Variants in RNF166 observed in about 807,000 individuals in gnomAD.
The protein encoded by RNF166 is E3 ubiquitin-protein ligase RNF166.
In RNF166, 19 loss-of-function variants were observed where a neutral mutation model predicts 29.4. The ratio of observed to expected loss-of-function variants is 0.65; its 90% CI spans 0.45 to 0.95. The LOEUF is 0.95. Ranked by LOEUF, RNF166 falls within the 40% of genes least tolerant of loss-of-function variation. The probability of loss-of-function intolerance (pLI) is 0.00; values close to 1 mark genes in which losing one functional copy is unlikely to be tolerated. For synonymous variants in RNF166, 171 were observed against 134.5 expected, an observed-to-expected ratio of 1.27 and a Z score of -1.88; for missense variants, 347 against 322.1, an observed-to-expected ratio of 1.08 and a Z score of -0.59.
rs554699782 is a variant in RNF166 at position 88,702,734 on chromosome 16, C to T, written c.156-1316G>A. The stretch of plus-strand genomic sequence containing the variant: ...GAGACCCGTCAGAAAGTGAACAAGC[C>T]TTTTTCTGCAGAGTAAAGAGGTCGC... On this transcript the variant is annotated intron_variant, in intron 1 of 5. Coordinates refer to ENST00000312838, the MANE Select transcript of RNF166 (RefSeq NM_178841.4). The T allele has an allele frequency of 5.1e-5, 50 of 985,422 alleles. No homozygotes were observed. In the African/African-American group the frequency reaches 6.3e-4, roughly 12 times the overall value. The allele number at this position is 985,422 out of a possible 1,614,324, so 61.0% of individuals were successfully genotyped here.
At chr16:88,701,164 AAG>A in intron 2 of RNF166, 96 bp downstream of exon 2, 1 of 1,483,024 alleles carries the variant, frequency 6.7e-7, no homozygotes, top group Non-Finnish European at 9.3e-7. Flanking sequence ...CTCAACAGGA[AAG>A]AGAGAGGGCC....
intron 2 of RNF166, chr16:88,700,739 G>A (rs1012498377): frequency 2.0e-6 from 2 of 994,152 alleles, no homozygotes; most frequent in Admixed American, 5.5e-5. Flanking sequence ...AGGACAGGAT[G>A]GACATGGGGG....
intron 4 of RNF166, 125 bp downstream of exon 4, chr16:88,698,846 T>C (rs1183074133): frequency 3.8e-6 from 3 of 782,448 alleles, no homozygotes; most frequent in Non-Finnish European, 6.3e-6. Context: ...GTTCCCACCC[T>C]GGGTCCCAGG....
At chr16:88,698,361 G>A in intron 5 of RNF166, 141 bp downstream of exon 5, 2 of 755,266 alleles carry the variant, frequency 2.6e-6, no homozygotes, top group South Asian at 1.5e-5. Flanking sequence ...ACAGAACCTG[G>A]GGGAATGTGG....
Position 88,701,384 on chromosome 16 carries a change from C to T in RNF166, c.190G>A (p.Val64Met). ...CAGAGTGGGCACAGCGGGGATGGCA[C>T]CTGCAGGCAGGGCTGGAGACACTCC... ...CGECLQPCLQ[V>M]PSPLCPLCRL... is the part of the protein sequence containing the mutation. Residue 64 changes from valine to methionine, a missense_variant, in exon 2 of 6, where the codon GTG becomes ATG. By Grantham distance (21) the Val-to-Met change is conservative. Transcript: ENST00000312838. 1.9e-6 allele frequency: 3 copies of T among 1,610,810 alleles called. No homozygotes were observed. Among genetic ancestry groups the T allele is most frequent in the Non-Finnish European group, 2.5e-6 (3 of 1,179,128 alleles).
In RNF166 at chr16:88,699,115, C is replaced by T. The variant is rs368291481; in HGVS notation, c.426-30G>A. ...CGGGGCGGGGGTAGAGTGAGTGGCA[C>T]GGCTAGGTGTCTAGGGGCTCTGCCT... On this transcript the variant is annotated intron_variant, in intron 3 of 5. Transcript: ENST00000312838. 8.3e-6 allele frequency: 12 copies of T among 1,442,612 alleles called. No homozygotes were observed. The South Asian group carries it at 9.5e-5, about 11-fold the overall frequency. The allele number at this position is 1,442,612 out of a possible 1,614,324, so 89.4% of individuals were successfully genotyped here.
chr16:88,701,275 C>T lies in RNF166; in HGVS notation c.299G>A (p.Gly100Asp). Residue 100 changes from glycine (G) to aspartate (D), a missense_variant, in exon 2 of 6, where the codon GGC becomes GAC. By Grantham distance (94) the Gly-to-Asp change is moderately conservative. Transcript: ENST00000312838. The part of the protein sequence containing the change: ...QLSSYKAPCR[G>D]CNKKVTLAKM... ...GCAGGCGGGTACCTTTTTGTTGCAG[C>T]CTCGACAGGGCGCTTTGTAGGATGA... is the stretch of plus-strand genomic sequence containing the variant. 1.2e-6 allele frequency: 2 copies of T among 1,613,690 alleles called. No homozygotes were observed. The highest frequency in any genetic ancestry group is 1.7e-6 in the Non-Finnish European group (2 of 1,179,948).
chr16:88,699,671 G>C lies in RNF166; in HGVS notation c.374C>G (p.Ala125Gly), dbSNP rs983169845. The change falls in exon 3 of 6, where the codon GCC becomes GGC. Residue 125 changes from alanine to glycine, a missense_variant. Physicochemically the swap from Ala to Gly is moderately conservative, Grantham distance 60 (BLOSUM62 0). Transcript: ENST00000312838. ...SSCLKVQEQM[A>G]NCPKFVPVVP... ...CACGGGGACGAACTTGGGGCAGTTGGCCATCTGCTCCTGGACCTTCAGGCA... is the reference window on the plus strand; with the variant it reads ...CACGGGGACGAACTTGGGGCAGTTGCCCATCTGCTCCTGGACCTTCAGGCA... 17 of 1,613,410 alleles carry C rather than the reference G, an allele frequency of 1.1e-5. No individual in the cohort carries two copies. Among genetic ancestry groups the C allele is most frequent in the Non-Finnish European group, 1.4e-5 (17 of 1,179,904 alleles).
intron 1 of RNF166, chr16:88,704,453 G>A (rs764535512): frequency 4.1e-6 from 4 of 985,426 alleles, no homozygotes; most frequent in Non-Finnish European, 4.8e-6. Context: ...ATTCCATGTG[G>A]TTCTGCATTC....
At chr16:88,704,178 A>G in intron 1 of RNF166, 2 of 985,488 alleles carry the variant, frequency 2.0e-6, no homozygotes, top group Non-Finnish European at 2.4e-6. Flanking sequence ...ACCAGCAACA[A>G]ACTTCCGAAG....
chr16:88,699,886 C>A (rs2142639562), intron 2 of RNF166, 154 bp from the exon 3 acceptor site: 1 of 568,446 alleles, frequency 1.8e-6, no homozygotes, highest in East Asian at 3.0e-5. Context: ...GCTGCTAAAA[C>A]AATCTCAGGC....
Position 88,696,790 on chromosome 16 carries a change from C to G in RNF166, c.*778G>C, listed in dbSNP as rs1909678158. Reference sequence around the variant, plus strand: ...GCCTGTGGCTGGGGTGCTGGGATTTCTTCCTGGTCATCAAAGAGAAACGTA... The same window carrying G: ...GCCTGTGGCTGGGGTGCTGGGATTTGTTCCTGGTCATCAAAGAGAAACGTA... On this transcript the variant is annotated 3_prime_UTR_variant, in exon 6 of 6. Coordinates refer to ENST00000312838, the MANE Select transcript of RNF166 (RefSeq NM_178841.4). 1 of 362,878 alleles carries G rather than the reference C, an allele frequency of 2.8e-6. No individual in the cohort carries two copies. The highest frequency in any genetic ancestry group is 8.1e-5 in the East Asian group (1 of 12,314). 22.5% of individuals were successfully genotyped at this position (362,878 alleles called of 1,614,324 possible).
In RNF166 at chr16:88,696,813, G is replaced by A. The variant is rs1352257581; in HGVS notation, c.*755C>T. 1.2e-5 allele frequency: 4 copies of A among 347,562 alleles called. No homozygotes were observed. Among genetic ancestry groups the A allele is most frequent in the East Asian group, 8.3e-5 (1 of 11,998 alleles). 21.5% of individuals were successfully genotyped at this position (347,562 alleles called of 1,614,324 possible). On this transcript the variant is annotated 3_prime_UTR_variant, in exon 6 of 6. Transcript: ENST00000312838. ...TTCTTCCTGGTCATCAAAGAGAAACGTACAAACCTCAAGGACCCAGACACA... is the reference window on the plus strand; with the variant it reads ...TTCTTCCTGGTCATCAAAGAGAAACATACAAACCTCAAGGACCCAGACACA...
rs1909657420 is a variant in RNF166, at chr16:88,696,569, G to A, written c.*999C>T. 8.9e-6 allele frequency: 4 copies of A among 451,228 alleles called. No homozygotes were observed. The highest frequency in any genetic ancestry group is 6.3e-5 in the South Asian group (4 of 63,354). The allele number at this position is 451,228 out of a possible 1,614,324, so 28.0% of individuals were successfully genotyped here. On this transcript the variant is annotated 3_prime_UTR_variant, in exon 6 of 6. Coordinates refer to ENST00000312838, the MANE Select transcript of RNF166 (RefSeq NM_178841.4). ...ACAGCAATAATTAATGCCAAGAACA[G>A]AAAAGAATGTTGACGTGTTGCCCGG...
rs1340831973 is a variant in RNF166 at position 88,696,780 on chromosome 16, G to C, written c.*788C>G. Reference sequence around the variant, plus strand: ...AGCAGCCACAGCCTGTGGCTGGGGTGCTGGGATTTCTTCCTGGTCATCAAA... The same window carrying C: ...AGCAGCCACAGCCTGTGGCTGGGGTCCTGGGATTTCTTCCTGGTCATCAAA... On this transcript the variant is annotated 3_prime_UTR_variant, in exon 6 of 6. Coordinates refer to ENST00000312838, the MANE Select transcript of RNF166 (RefSeq NM_178841.4). The C allele has an allele frequency of 2.7e-6, 1 of 369,064 alleles. No homozygotes were observed. The highest frequency in any genetic ancestry group is 2.1e-5 in the African/African-American group (1 of 46,532). 22.9% of individuals were successfully genotyped at this position (369,064 alleles called of 1,614,324 possible). A position where few individuals can be genotyped will look rare whatever the true frequency, so the allele number is the denominator to read the frequency against.
chr16:88,698,938 GC>G, intron 4 of RNF166, 32 bp downstream of exon 4: 1 of 1,479,434 alleles, frequency 6.8e-7, no homozygotes, highest in Non-Finnish European at 9.3e-7. Context: ...GCCTCCCCTG[GC>G]GCAGGCGTCG....
At position 88,697,835 on chromosome 16, in the gene RNF166, C is replaced by G. The variant is rs540294736; in HGVS notation, c.649-202G>C. On this transcript the variant is annotated intron_variant, in intron 5 of 5. Coordinates refer to ENST00000312838, the MANE Select transcript of RNF166 (RefSeq NM_178841.4). ...AGAAGGTGAAGGTGTGTCCATCACC[C>G]GCTGGGTACGGGGGCACTCGGAATG... The G allele has an allele frequency of 3.9e-5, 22 of 557,744 alleles. No homozygotes were observed. The African/African-American group carries it at 4.2e-4, about 11-fold the overall frequency. The allele number at this position is 557,744 out of a possible 1,614,324, so 34.5% of individuals were successfully genotyped here. A position where few individuals can be genotyped will look rare whatever the true frequency, so the allele number is the denominator to read the frequency against.
chr16:88,702,404 C>T (rs1224587714), intron 1 of RNF166, among the ~76,000 whole-genome samples: 1 of 152,204 alleles, frequency 6.6e-6, no homozygotes, highest in Non-Finnish European at 1.5e-5. Context: ...GGCAAGGCCA[C>T]AGGGCTGGTA....
At chr16:88,704,768 T>C (rs1168011792) in intron 1 of RNF166, among the ~76,000 whole-genome samples, 1 of 152,184 alleles carries the variant, frequency 6.6e-6, no homozygotes, top group Non-Finnish European at 1.5e-5. Flanking sequence ...GACGGGCAGG[T>C]CACCGGAGGT....
Sources: allele counts gnomAD v4.1 joint callset (sites outside exome capture counted in the v4.1 genomes callset), GRCh38; gene constraint gnomAD v4.1.1; transcripts MANE v1.5; gene names NCBI Gene and HGNC (gene_info 2026-07-23, HGNC 2026-07-21).